UNC80: variants seen among roughly 807,000 people sequenced by gnomAD.
UNC80 encodes the protein protein unc-80 homolog.
In UNC80, 164 loss-of-function variants were observed where a neutral mutation model predicts 384.6. The observed-to-expected ratio is 0.43, with a 90% CI of 0.38 to 0.49. The LOEUF is 0.49. UNC80 is among the 20% of genes least tolerant of loss of function. UNC80 has a pLI of 0.00. For missense variants in UNC80, 3,330 were observed against 4,143.0 expected, an observed-to-expected ratio of 0.80 and a Z score of 5.39; for synonymous variants, 1,486 against 1,527.8, an observed-to-expected ratio of 0.97 and a Z score of 0.64.
Position 209,913,834 on chromosome 2 carries a change from G to T in UNC80, c.4923G>T (p.Leu1641=), listed in dbSNP as rs1559319182. ...VMSLSPAPLS[L]LIKAAPILTE... ...GCTTGTCGCCTGCTCCCTTATCTCT[G>T]TTAATCAAGGCAGCACCAATTCTGA... is the stretch of plus-strand genomic sequence containing the variant. The change falls in exon 31 of 65, where the codon CTG becomes CTT. Residue 1641 remains leucine, a synonymous_variant. Transcript: ENST00000673920. The T allele has an allele frequency of 6.4e-7, 1 of 1,550,926 alleles. No individual in the cohort carries two copies. Among genetic ancestry groups the T allele is most frequent in the Non-Finnish European group, 8.7e-7 (1 of 1,146,424 alleles).
At chr2:209,823,468 C>T (rs1413258275) in intron 13 of UNC80, among the ~76,000 whole-genome samples, 1 of 152,036 alleles carries the variant, frequency 6.6e-6, no homozygotes, top group Non-Finnish European at 1.5e-5. Context: ...AGGCCCTTGA[C>T]GAAGGAAGCC....
At chr2:209,966,204 T>C (rs1265244674) in intron 51 of UNC80, among the ~76,000 whole-genome samples, 1 of 152,226 alleles carries the variant, frequency 6.6e-6, no homozygotes, top group Non-Finnish European at 1.5e-5. Context: ...CTTAATGTAT[T>C]ACCCTTCCTA....
chr2:209,844,588 T>C (rs2082042904), intron 21 of UNC80, among the ~76,000 whole-genome samples: 1 of 149,888 alleles, frequency 6.7e-6, no homozygotes, highest in Non-Finnish European at 1.5e-5. Flanking sequence ...CTTTCTTTCC[T>C]TTCTTCCTTC....
intron 22 of UNC80, among the ~76,000 whole-genome samples, chr2:209,859,896 T>C (rs2083226205): frequency 6.6e-6 from 1 of 152,252 alleles, no homozygotes; most frequent in Non-Finnish European, 1.5e-5. Flanking sequence ...GTAAATTTGT[T>C]TAAGTTCCTT....
chr2:209,888,294 G>C, intron 26 of UNC80, 34 bp downstream of exon 26: 1 of 1,548,130 alleles, frequency 6.5e-7, no homozygotes, highest in South Asian at 1.2e-5. Flanking sequence ...CATGTTTCAG[G>C]GTTTCTTGTT....
At chr2:209,889,270 C>G (rs1301482642) in intron 26 of UNC80, among the ~76,000 whole-genome samples, 1 of 152,138 alleles carries the variant, frequency 6.6e-6, no homozygotes, top group East Asian at 1.9e-4. Flanking sequence ...ATTTATGGAA[C>G]CATGTTATTT....
At chr2:209,865,214 T>G (rs1342702647) in intron 22 of UNC80, among the ~76,000 whole-genome samples, 5 of 149,720 alleles carry the variant, frequency 3.3e-5, no homozygotes, top group African/African-American at 7.5e-5. Context: ...CGGTGAAGGA[T>G]TCACACGTTT....
chr2:209,786,239 C>T (rs763146485), intron 5 of UNC80, 50 bp downstream of exon 5: 15 of 1,581,804 alleles, frequency 9.5e-6, no homozygotes, highest in Non-Finnish European at 1.3e-5. Flanking sequence ...TTCCCTCACA[C>T]ACAGTAGTTA....
chr2:209,817,457 T>A (rs775533690), intron 10 of UNC80, among the ~76,000 whole-genome samples: 13 of 151,858 alleles, frequency 8.6e-5, no homozygotes, highest in Non-Finnish European at 1.8e-4. Flanking sequence ...AACTTGGATT[T>A]TTTTTGAAAA....
At chr2:209,993,234 C>A in intron 62 of UNC80, 81 bp from the exon 63 acceptor site, 1 of 1,068,944 alleles carries the variant, frequency 9.4e-7, no homozygotes, top group Non-Finnish European at 1.4e-6. Context: ...TAAGAATCCA[C>A]AGAAACATAT....
intron 43 of UNC80, among the ~76,000 whole-genome samples, chr2:209,940,958 T>C (rs1282710709): frequency 6.6e-6 from 1 of 152,226 alleles, no homozygotes; most frequent in Non-Finnish European, 1.5e-5. Context: ...CTCCAACAGA[T>C]GTTTATTTAG....
chr2:209,980,439 CA>C (rs1307233701), intron 59 of UNC80, among the ~76,000 whole-genome samples: 13 of 152,130 alleles, frequency 8.5e-5, no homozygotes, highest in Non-Finnish European at 1.8e-4. Context: ...GATGAGGCAG[CA>C]GGGGGACTGG....
intron 22 of UNC80, among the ~76,000 whole-genome samples, chr2:209,868,494 A>G (rs2084019625): frequency 6.6e-6 from 1 of 152,222 alleles, no homozygotes; most frequent in African/African-American, 2.4e-5. Context: ...CTTGGCAACA[A>G]TATTTTTTAG....
intron 3 of UNC80, among the ~76,000 whole-genome samples, chr2:209,776,535 C>T (rs1218185020): frequency 3.3e-5 from 5 of 152,196 alleles, no homozygotes; most frequent in South Asian, 4.1e-4. Flanking sequence ...TAGCTGGGAT[C>T]GCACCACTGC....
At chr2:209,979,108 G>C (rs2093089638) in intron 59 of UNC80, among the ~76,000 whole-genome samples, 1 of 152,072 alleles carries the variant, frequency 6.6e-6, no homozygotes, top group South Asian at 2.1e-4. Flanking sequence ...AACTAGCTGA[G>C]TGTGTTGGTG....
rs377623816 is a variant in UNC80 at position 209,957,719 on chromosome 2, G to A, written c.7533G>A (p.Ser2511=). ...CCACCACAGCCAATCACACCATGTC[G>A]TCTGGGGTGAACACCAGGTAATTCA... ...KGTTTANHTM[S]SGVNTRYQEQ... The change falls in exon 49 of 65, where the codon TCG becomes TCA. Residue 2511 remains serine (S), a synonymous_variant. Transcript: ENST00000673920. 5.5e-5 allele frequency: 86 copies of A among 1,551,458 alleles called. No homozygotes were observed. In the African/African-American group the frequency reaches 8.8e-4, roughly 16 times the overall value.
At chr2:209,953,212 G>T (rs1433706314) in intron 47 of UNC80, among the ~76,000 whole-genome samples, 1 of 151,944 alleles carries the variant, frequency 6.6e-6, no homozygotes, top group African/African-American at 2.4e-5. Flanking sequence ...GAGGCCAAGA[G>T]TTTGAGACCA....
At chr2:209,973,307 T>A in intron 56 of UNC80, 37 bp downstream of exon 56, 1 of 1,516,660 alleles carries the variant, frequency 6.6e-7, no homozygotes, top group Non-Finnish European at 8.9e-7. Flanking sequence ...TGTTTGTGCA[T>A]GTGTATGTAT....
chr2:209,997,276 A>G lies in UNC80; in HGVS notation c.*1681A>G, dbSNP rs907146977. ...CTCTTTTACTCTTTTATGTTTTACA[A>G]TATTATCATGTTATTTACAGTTAAT... is the stretch of plus-strand genomic sequence containing the variant. On this transcript the variant is annotated 3_prime_UTR_variant, in exon 65 of 65. Coordinates refer to ENST00000673920, the MANE Select transcript of UNC80 (RefSeq NM_001371986.1). 2 of 152,198 alleles carry G rather than the reference A, an allele frequency of 1.3e-5. No individual in the cohort carries two copies. The highest frequency in any genetic ancestry group is 2.9e-5 in the Non-Finnish European group (2 of 68,028). 9.4% of individuals were successfully genotyped at this position (152,198 alleles called of 1,614,324 possible). A position where few individuals can be genotyped will look rare whatever the true frequency, so the allele number is the denominator to read the frequency against.
Sources: gnomAD v4.1 joint callset for allele counts (sites outside exome capture counted in the v4.1 genomes callset) on GRCh38, gnomAD v4.1.1 for gene constraint, MANE v1.5 for transcripts, NCBI Gene and HGNC (gene_info 2026-07-23, HGNC 2026-07-21) for gene names.